Variants in CEP290 observed in about 807,000 individuals in gnomAD.
CEP290 encodes the protein centrosomal protein of 290 kDa.
In CEP290, 317 loss-of-function variants were observed where a neutral mutation model predicts 344.9. The observed-to-expected ratio is 0.92, with a 90% confidence interval of 0.84 to 1.01. CEP290 has a LOEUF of 1.01. CEP290 is among the 50% of genes least tolerant of loss of function. The probability of loss-of-function intolerance (pLI) is 0.00; values close to 1 mark genes in which losing one functional copy is unlikely to be tolerated. For missense variants in CEP290, 2,754 were observed against 2,761.4 expected (o/e 1.00, Z 0.06); for synonymous variants, 932 against 895.8 (o/e 1.04, Z -0.72).
chr12:88,110,319 G>A (rs1432685854), intron 22 of CEP290, among the ~76,000 whole-genome samples: 1 of 152,066 alleles, frequency 6.6e-6, no homozygotes, highest in Non-Finnish European at 1.5e-5. Flanking sequence ...AGAAACCCAG[G>A]GCAGGTAGTA....
At chr12:88,115,863 G>A in intron 18 of CEP290, 4 of 982,708 alleles carry the variant, frequency 4.1e-6, no homozygotes, top group Non-Finnish European at 4.8e-6. Context: ...AATAGACACA[G>A]GGTCTGGAAG....
Position 88,089,222 on chromosome 12 carries a change from A to G in CEP290, c.3839T>C (p.Leu1280Ser), listed in dbSNP as rs2036825975. 6.2e-7 allele frequency: 1 copy of G among 1,613,508 alleles called. No individual in the cohort carries two copies. Among genetic ancestry groups the G allele is most frequent in the Non-Finnish European group, 8.5e-7 (1 of 1,179,728 alleles). ...LRRQFSGALPLAQQEKFSKTM... is the reference protein window; with the variant it reads ...LRRQFSGALPSAQQEKFSKTM... ...TTTGGAGAACTTTTCCTGTTGTGCC[A>G]AGGGTAAAGCTCCACTAAACTGTCG... is the stretch of plus-strand genomic sequence containing the variant. Residue 1280 changes from leucine to serine, a missense_variant, in exon 31 of 54, where the codon TTG becomes TCG. Leu to Ser is a moderately radical substitution (Grantham distance 145). Transcript: ENST00000552810.
At chr12:88,082,699 T>A (rs564803216) in intron 37 of CEP290, among the ~76,000 whole-genome samples, 15 of 151,982 alleles carry the variant, frequency 9.9e-5, no homozygotes, top group African/African-American at 2.9e-4. Context: ...GTCTCAAAAA[T>A]AAAAATAAAT....
intron 37 of CEP290, among the ~76,000 whole-genome samples, chr12:88,082,509 A>G (rs962720683): frequency 6.6e-6 from 1 of 152,094 alleles, no homozygotes; most frequent in Non-Finnish European, 1.5e-5. Context: ...CCTGGGCAAC[A>G]TGGAGAAACC....
Position 88,089,441 on chromosome 12 carries a change from T to C in CEP290, c.3620A>G (p.Asn1207Ser), listed in dbSNP as rs1277959694. ...KSLIAKLHQH[N>S]VSLQLSEATA... The stretch of plus-strand genomic sequence containing the variant: ...AGCCTCACTCAGTTGAAGAGAGACA[T>C]TATGTTGGTGCAACTTGGCAATGAG... The change falls in exon 31 of 54, where the codon AAT becomes AGT. Residue 1207 changes from asparagine (N) to serine (S), a missense_variant. Physicochemically the swap from Asn to Ser is conservative, Grantham distance 46 (BLOSUM62 1). Transcript: ENST00000552810. 7.5e-6 allele frequency: 12 copies of C among 1,593,608 alleles called. No homozygotes were observed. The highest frequency in any genetic ancestry group is 2.2e-5 in the East Asian group (1 of 44,496).
chr12:88,104,512 A>G (rs1297363086), intron 25 of CEP290, among the ~76,000 whole-genome samples: 1 of 152,046 alleles, frequency 6.6e-6, no homozygotes, highest in Non-Finnish European at 1.5e-5. Flanking sequence ...GACCAGAATT[A>G]AGATTTCTCT....
intron 44 of CEP290, among the ~76,000 whole-genome samples, chr12:88,067,613 T>C (rs909807253): frequency 9.2e-5 from 14 of 152,230 alleles, no homozygotes; most frequent in African/African-American, 2.9e-4. Flanking sequence ...CCTTTCTCAC[T>C]CTTGCCTATC....
At chr12:88,054,265 A>G in intron 51 of CEP290, 75 bp downstream of exon 51, 1 of 930,826 alleles carries the variant, frequency 1.1e-6, no homozygotes, top group Non-Finnish European at 1.6e-6. Flanking sequence ...AGTTGTAGCA[A>G]TTCGGAGTAT....
chr12:88,069,196 C>T (rs1592773748), intron 43 of CEP290, among the ~76,000 whole-genome samples: 1 of 152,116 alleles, frequency 6.6e-6, no homozygotes, highest in East Asian at 1.9e-4. Flanking sequence ...TCCACTCTTA[C>T]CCATACATGA....
At chr12:88,116,699 G>A (rs1046786246) in intron 18 of CEP290, among the ~76,000 whole-genome samples, 2 of 152,184 alleles carry the variant, frequency 1.3e-5, no homozygotes, top group Non-Finnish European at 2.9e-5. Context: ...TCCTGGCCGG[G>A]CGCGGTGGCT....
chr12:88,049,073 T>C lies in CEP290; in HGVS notation c.*111A>G. 2 of 581,220 alleles carry C rather than the reference T, an allele frequency of 3.4e-6. No individual in the cohort carries two copies. Among genetic ancestry groups the C allele is most frequent in the East Asian group, 6.1e-5 (2 of 32,572 alleles). 36.0% of individuals were successfully genotyped at this position (581,220 alleles called of 1,614,324 possible). ...AAGAATTCCAATCTAAGTATAAAGG[T>C]ACAAGGTAGTGAGAAGGAAATACTA... On this transcript the variant is annotated 3_prime_UTR_variant, in exon 54 of 54. Coordinates refer to ENST00000552810, the MANE Select transcript of CEP290 (RefSeq NM_025114.4).
chr12:88,122,908 A>G (rs1264629635), intron 13 of CEP290, among the ~76,000 whole-genome samples: 4 of 152,010 alleles, frequency 2.6e-5, no homozygotes, highest in Non-Finnish European at 5.9e-5. Context: ...TTTCTCCTCA[A>G]ACTTATGAAA....
intron 37 of CEP290, among the ~76,000 whole-genome samples, chr12:88,081,957 T>A (rs897837193): frequency 6.6e-6 from 1 of 152,198 alleles, no homozygotes; most frequent in Non-Finnish European, 1.5e-5. Context: ...ATTTTCTTTC[T>A]TTTAGAGAGT....
At chr12:88,107,275 T>C (rs1365354774) in intron 23 of CEP290, among the ~76,000 whole-genome samples, 177 bp from the exon 24 acceptor site, 1 of 152,140 alleles carries the variant, frequency 6.6e-6, no homozygotes, top group Non-Finnish European at 1.5e-5. Flanking sequence ...TAGCCTAGAA[T>C]TAAAAATTTT....
Position 88,129,732 on chromosome 12 carries a change from C to T in CEP290, c.814G>A (p.Asp272Asn), listed in dbSNP as rs866480852. 1.4e-5 allele frequency: 21 copies of T among 1,468,252 alleles called. No individual in the cohort carries two copies. In the Admixed American group the frequency reaches 5.0e-4, roughly 35 times the overall value. 91.0% of individuals were successfully genotyped at this position (1,468,252 alleles called of 1,614,324 possible). A position where few individuals can be genotyped will look rare whatever the true frequency, so the allele number is the denominator to read the frequency against. Residue 272 changes from aspartate (D) to asparagine (N), a missense_variant, in exon 10 of 54, where the codon GAT becomes AAT. Transcript: ENST00000552810. Reference sequence around the variant, plus strand: ...TGATCGTTTTCTTTTTTTAACTGATCTATTACATTATCTGTCTGATGCACA... The same window carrying T: ...TGATCGTTTTCTTTTTTTAACTGATTTATTACATTATCTGTCTGATGCACA... ...AIVHQTDNVI[D>N]QLKKENDHYQ... is the part of the protein sequence containing the mutation.
intron 32 of CEP290, among the ~76,000 whole-genome samples, chr12:88,086,982 T>C (rs1191345024): frequency 2.0e-5 from 3 of 152,170 alleles, no homozygotes; most frequent in Non-Finnish European, 4.4e-5. Context: ...TACTGTTGTA[T>C]ATTAGGTGGC....
rs200454865 is a variant in CEP290, at chr12:88,111,821, G to A, written c.2090C>T (p.Ala697Val). ...ESKNAEGIFD[A>V]SLHLKAQVDQ... ...AACTTGGGCTTTCAAATGCAGACTC[G>A]CATCAAAGATTCCTTCTGCATTCTT... The change falls in exon 21 of 54, where the codon GCG (alanine) becomes GTG (valine). Residue 697 changes from alanine (A) to valine (V), a missense_variant. Physicochemically the swap from Ala to Val is moderately conservative, Grantham distance 64. Transcript: ENST00000552810. The A allele has an allele frequency of 5.9e-5, 94 of 1,600,836 alleles. No homozygotes were observed. Among genetic ancestry groups the A allele is most frequent in the Non-Finnish European group, 6.8e-5 (80 of 1,174,224 alleles).
At position 88,084,666 on chromosome 12, in the gene CEP290, T is replaced by C; in HGVS notation, c.4624A>G (p.Ile1542Val). Reference protein sequence around the residue: ...HHTLKIAHQTIANMQARLNQK... With the variant: ...HHTLKIAHQTVANMQARLNQK... ...TTTAACCTTGCTTGCATGTTTGCAA[T>C]GGTTTGATGAGCAATTTTCAATGTG... Residue 1542 changes from isoleucine to valine, a missense_variant, in exon 35 of 54, where the codon ATT becomes GTT. Physicochemically the swap from Ile to Val is conservative, Grantham distance 29. Coordinates refer to ENST00000552810, the MANE Select transcript of CEP290 (RefSeq NM_025114.4). 1 of 1,613,728 alleles carries C rather than the reference T, an allele frequency of 6.2e-7. No individual in the cohort carries two copies. Among genetic ancestry groups the C allele is most frequent in the Non-Finnish European group, 8.5e-7 (1 of 1,179,674 alleles).
At position 88,089,174 on chromosome 12, in the gene CEP290, T is replaced by C. The variant is rs2036820264; in HGVS notation, c.3887A>G (p.Asp1296Gly). 1.9e-6 allele frequency: 3 copies of C among 1,612,212 alleles called. No individual in the cohort carries two copies. Among genetic ancestry groups the C allele is most frequent in the Admixed American group, 1.7e-5 (1 of 59,720 alleles). ...CATTTCTTGCATTATCTTAAGTTTG[T>C]CATTTTGTAGTTGAATCATTGTTTT... ...FSKTMIQLQN[D>G]KLKIMQEMKN... The change falls in exon 31 of 54, where the codon GAC (aspartate) becomes GGC (glycine). Residue 1296 changes from aspartate to glycine, a missense_variant. Coordinates refer to ENST00000552810, the MANE Select transcript of CEP290 (RefSeq NM_025114.4).
Sources: gnomAD v4.1 joint callset for allele counts (sites outside exome capture counted in the v4.1 genomes callset) on GRCh38, gnomAD v4.1.1 for gene constraint, MANE v1.5 for transcripts, NCBI Gene and HGNC (gene_info 2026-07-23, HGNC 2026-07-21) for gene names.